The following EFNA5 variants were observed in gnomAD, a reference collection of about 807,000 sequenced individuals.
EFNA5 encodes the protein ephrin-A5.
EFNA5 carries 5 observed loss-of-function variants against 22.9 expected under a neutral mutation model. The ratio of observed to expected loss-of-function variants is 0.22; its 90% CI spans 0.11 to 0.46. The LOEUF is 0.46. Among genes scored for constraint, EFNA5 ranks in the 20% least tolerant of loss-of-function variants. EFNA5 has a pLI of 0.99. For missense variants in EFNA5, 237 were observed against 293.3 expected (o/e 0.81, Z 1.40); for synonymous variants, 113 against 112.2 (o/e 1.01, Z -0.04).
Position 107,564,804 on chromosome 5 carries a change from A to T in EFNA5, c.125+105685T>A, listed in dbSNP as rs1277973968. The stretch of plus-strand genomic sequence containing the variant: ...CATGGTAATAAATGTCAAACATTAA[A>T]TTATATCACTGTCTGATCTAAGAAG... On this transcript the variant is annotated intron_variant, in intron 1 of 4. Coordinates refer to ENST00000333274, the MANE Select transcript of EFNA5 (RefSeq NM_001962.3). Among the ~76,000 whole-genome samples, 7 of 152,276 alleles carry T rather than the reference A, an allele frequency of 4.6e-5. No homozygotes were observed. The East Asian group carries it at 1.2e-3, about 25-fold the overall frequency.
At chr5:107,485,491 T>A (rs1746592786) in intron 1 of EFNA5, among the ~76,000 whole-genome samples, 1 of 152,186 alleles carries the variant, frequency 6.6e-6, no homozygotes, top group Non-Finnish European at 1.5e-5. Context: ...CTCTCTCTTT[T>A]TTTCTCTGGG....
intron 1 of EFNA5, among the ~76,000 whole-genome samples, chr5:107,564,050 G>A (rs1748608617): frequency 6.6e-6 from 1 of 152,068 alleles, no homozygotes; most frequent in Non-Finnish European, 1.5e-5. Flanking sequence ...GCTCTACAAG[G>A]ATTACGCCTG....
At chr5:107,489,617 C>T (rs1479914300) in intron 1 of EFNA5, among the ~76,000 whole-genome samples, 1 of 152,036 alleles carries the variant, frequency 6.6e-6, no homozygotes, top group East Asian at 1.9e-4. Context: ...CTTCACTGGA[C>T]CCTAAAGCTT....
At chr5:107,485,409 G>A (rs1746590232) in intron 1 of EFNA5, among the ~76,000 whole-genome samples, 1 of 152,230 alleles carries the variant, frequency 6.6e-6, no homozygotes, top group South Asian at 2.1e-4. Flanking sequence ...AGGTGTGCTA[G>A]TGTAACTGTT....
intron 4 of EFNA5, among the ~76,000 whole-genome samples, chr5:107,386,737 T>A (rs1440793263): frequency 6.6e-6 from 1 of 152,306 alleles, no homozygotes; most frequent in Non-Finnish European, 1.5e-5. Context: ...TAAAGTTCCT[T>A]AGGTCAGTTC....
chr5:107,386,241 G>C (rs1052921816), intron 4 of EFNA5, among the ~76,000 whole-genome samples: 3 of 150,742 alleles, frequency 2.0e-5, no homozygotes, highest in Admixed American at 1.3e-4. Context: ...CTTAAGCTTT[G>C]AGATGATCAA....
intron 1 of EFNA5, among the ~76,000 whole-genome samples, chr5:107,453,549 C>A (rs2112448798): frequency 6.6e-6 from 1 of 152,176 alleles, no homozygotes; most frequent in African/African-American, 2.4e-5. Flanking sequence ...AGTACAGAAA[C>A]AAATAGAAAC....
chr5:107,454,385 G>C (rs574179309), intron 1 of EFNA5, among the ~76,000 whole-genome samples: 2 of 151,996 alleles, frequency 1.3e-5, no homozygotes, highest in Non-Finnish European at 2.9e-5. Flanking sequence ...TTAAGATTAA[G>C]AATATATATT....
intron 1 of EFNA5, among the ~76,000 whole-genome samples, chr5:107,591,334 C>T (rs1749319616): frequency 1.3e-5 from 2 of 152,090 alleles, no homozygotes; most frequent in Admixed American, 6.5e-5. Flanking sequence ...ACATTCATGC[C>T]CAGCCATAGA....
At chr5:107,395,358 G>A (rs951377652) in intron 2 of EFNA5, among the ~76,000 whole-genome samples, 1 of 151,978 alleles carries the variant, frequency 6.6e-6, no homozygotes, top group African/African-American at 2.4e-5. Context: ...TTCTGCCTAA[G>A]GAAAATTTAA....
chr5:107,560,262 T>C (rs1748506953), intron 1 of EFNA5, among the ~76,000 whole-genome samples: 1 of 152,222 alleles, frequency 6.6e-6, no homozygotes, highest in African/African-American at 2.4e-5. Context: ...AAATATTGAC[T>C]ATGTTATTAA....
intron 1 of EFNA5, among the ~76,000 whole-genome samples, chr5:107,491,635 T>C (rs1746809403): frequency 1.3e-5 from 2 of 152,130 alleles, no homozygotes; most frequent in South Asian, 4.2e-4. Context: ...TCTTGGTGAC[T>C]GGAATAAGGG....
At chr5:107,586,368 C>T (rs1652846384) in intron 1 of EFNA5, among the ~76,000 whole-genome samples, 1 of 152,176 alleles carries the variant, frequency 6.6e-6, no homozygotes. Context: ...CTAACTAGGG[C>T]TATTGAGTAC....
At chr5:107,620,302 A>G (rs1750007816) in intron 1 of EFNA5, among the ~76,000 whole-genome samples, 2 of 152,238 alleles carry the variant, frequency 1.3e-5, no homozygotes, top group South Asian at 4.1e-4. Flanking sequence ...CCAATTCAGC[A>G]GCAATCTGTC....
At chr5:107,613,164 C>A (rs1217073818) in intron 1 of EFNA5, among the ~76,000 whole-genome samples, 1 of 151,796 alleles carries the variant, frequency 6.6e-6, no homozygotes, top group East Asian at 1.9e-4. Flanking sequence ...AACCAAGCAA[C>A]ATAAACTTGA....
intron 1 of EFNA5, among the ~76,000 whole-genome samples, chr5:107,526,506 A>T (rs570758485): frequency 6.6e-6 from 1 of 152,224 alleles, no homozygotes; most frequent in African/African-American, 2.4e-5. Flanking sequence ...ACCCTCTGTG[A>T]CTCTGCTGTA....
intron 1 of EFNA5, among the ~76,000 whole-genome samples, chr5:107,600,545 G>A (rs903936123): frequency 3.3e-5 from 5 of 151,318 alleles, no homozygotes; most frequent in African/African-American, 1.2e-4. Context: ...GGAGTGCAGT[G>A]GCAGGACCTT....
At chr5:107,460,116 C>T (rs1311516797) in intron 1 of EFNA5, among the ~76,000 whole-genome samples, 1 of 152,168 alleles carries the variant, frequency 6.6e-6, no homozygotes, top group African/African-American at 2.4e-5. Context: ...GAATGGCCTA[C>T]TCTGCTAATC....
intron 1 of EFNA5, among the ~76,000 whole-genome samples, chr5:107,499,590 T>G (rs1747085594): frequency 6.6e-6 from 1 of 152,234 alleles, no homozygotes; most frequent in South Asian, 2.1e-4. Context: ...GGTTAGCAAG[T>G]TAGCAGTGAT....
Sources: allele counts gnomAD v4.1 joint callset (sites outside exome capture counted in the v4.1 genomes callset), GRCh38; gene constraint gnomAD v4.1.1; transcripts MANE v1.5; gene names NCBI Gene and HGNC (gene_info 2026-07-23, HGNC 2026-07-21).